The following SLC16A7 variants were observed in gnomAD, a reference collection of about 807,000 sequenced individuals.
SLC16A7 encodes the protein solute carrier family 16 member 7, also known as monocarboxylate transporter 2.
In SLC16A7, 33 loss-of-function variants were observed where a neutral mutation model predicts 34.9. The ratio of observed to expected loss-of-function variants is 0.94; its 90% CI spans 0.72 to 1.26. The LOEUF is 1.26. Among genes scored for constraint, SLC16A7 ranks in the 50% most tolerant of loss-of-function variants. The pLI is 0.00. For missense variants in SLC16A7, 573 were observed against 578.1 expected, an observed-to-expected ratio of 0.99 and a Z score of 0.09; for synonymous variants, 201 against 206.6, an observed-to-expected ratio of 0.97 and a Z score of 0.23.
chr12:59,750,300 T>G (rs1310251525), intron 3 of SLC16A7, among the ~76,000 whole-genome samples: 2 of 152,094 alleles, frequency 1.3e-5, no homozygotes, highest in Non-Finnish European at 2.9e-5. Context: ...GGGAGAAAGA[T>G]TTTGCAATCT....
chr12:59,681,383 G>A (rs1477222017), intron 2 of SLC16A7, among the ~76,000 whole-genome samples: 1 of 152,168 alleles, frequency 6.6e-6, no homozygotes, highest in Non-Finnish European at 1.5e-5. Flanking sequence ...AAACTCCTAG[G>A]ATGTTTGTCA....
intron 3 of SLC16A7, chr12:59,769,179 C>A (rs1881979822): frequency 1.3e-5 from 2 of 152,078 alleles, no homozygotes; most frequent in Admixed American, 1.3e-4. Flanking sequence ...GTTATGCACA[C>A]TTTTTAGATA....
At chr12:59,607,349 A>C (rs1354271746) in intron 1 of SLC16A7, among the ~76,000 whole-genome samples, 2 of 152,156 alleles carry the variant, frequency 1.3e-5, no homozygotes, top group African/African-American at 4.8e-5. Context: ...CCAATAGATA[A>C]ATTAAAAGTC....
Position 59,712,086 on chromosome 12 carries a change from G to A in SLC16A7, c.217+7068G>A, listed in dbSNP as rs954051372. Among the ~76,000 whole-genome samples the A allele has an allele frequency of 2.0e-5, 3 of 152,334 alleles. No homozygotes were observed. In the East Asian group the frequency reaches 5.8e-4, roughly 29 times the overall value. On this transcript the variant is annotated intron_variant, in intron 3 of 5. Transcript: ENST00000547379. ...TATGAGTGCATATGTGAGTGTGTGT[G>A]TATGTATAATGTACACTCTCCTGCT...
chr12:59,612,076 C>T (rs564796547), intron 1 of SLC16A7, among the ~76,000 whole-genome samples: 16 of 152,338 alleles, frequency 1.1e-4, no homozygotes, highest in South Asian at 6.2e-4. Context: ...GGCGGTGCCC[C>T]GATGGAGACT....
In SLC16A7 at chr12:59,753,611, C is replaced by T. The variant is rs550635479; in HGVS notation, c.218-17608C>T. On this transcript the variant is annotated intron_variant, in intron 3 of 5. Coordinates refer to ENST00000547379, the MANE Select transcript of SLC16A7 (RefSeq NM_001270623.2). The stretch of plus-strand genomic sequence containing the variant: ...GAGCACCCAGATTCATAAAGCAAGT[C>T]CTGAGTGACATACAAAGAGACTTAG... Among the ~76,000 whole-genome samples the T allele has an allele frequency of 2.6e-5, 4 of 151,848 alleles. No homozygotes were observed. In the East Asian group the frequency reaches 5.8e-4, roughly 22 times the overall value.
intron 2 of SLC16A7, among the ~76,000 whole-genome samples, chr12:59,682,267 G>T (rs1870800979): frequency 6.6e-6 from 1 of 152,106 alleles, no homozygotes; most frequent in South Asian, 2.1e-4. Context: ...TGTTAGGGTT[G>T]TCATTTTATT....
intron 2 of SLC16A7, among the ~76,000 whole-genome samples, chr12:59,690,218 T>C (rs1871486834): frequency 6.6e-6 from 1 of 151,896 alleles, no homozygotes; most frequent in South Asian, 2.1e-4. Context: ...CTCAGATAAA[T>C]TTTTCCCTAA....
chr12:59,639,039 A>T (rs531939874), intron 1 of SLC16A7, among the ~76,000 whole-genome samples: 3 of 152,202 alleles, frequency 2.0e-5, no homozygotes, highest in Admixed American at 2.0e-4. Flanking sequence ...ATTTTTTCAA[A>T]GTTTTTTCAG....
intron 4 of SLC16A7, among the ~76,000 whole-genome samples, chr12:59,772,481 G>C (rs1882329415): frequency 6.6e-6 from 1 of 152,072 alleles, no homozygotes; most frequent in Non-Finnish European, 1.5e-5. Flanking sequence ...GGCATTATTG[G>C]TGTTTCAACT....
intron 3 of SLC16A7, among the ~76,000 whole-genome samples, chr12:59,752,513 A>C (rs1308764090): frequency 6.6e-6 from 1 of 152,204 alleles, no homozygotes. Flanking sequence ...CCGTGATGGA[A>C]GATGAAATGA....
chr12:59,766,046 C>T (rs1249399641), intron 3 of SLC16A7, among the ~76,000 whole-genome samples: 4 of 152,148 alleles, frequency 2.6e-5, no homozygotes, highest in South Asian at 4.1e-4. Flanking sequence ...AGAGGTCCTT[C>T]TCATCCCTTG....
chr12:59,690,405 A>C (rs1304173791), intron 2 of SLC16A7, among the ~76,000 whole-genome samples: 1 of 152,030 alleles, frequency 6.6e-6, no homozygotes. Context: ...AGAGAAAAAC[A>C]AAAAGAAGTT....
chr12:59,693,795 A>T (rs1052052487), intron 2 of SLC16A7, among the ~76,000 whole-genome samples: 4 of 151,922 alleles, frequency 2.6e-5, no homozygotes, highest in Non-Finnish European at 5.9e-5. Flanking sequence ...TCGAAGAAGT[A>T]TAATTTTATG....
intron 3 of SLC16A7, among the ~76,000 whole-genome samples, chr12:59,719,446 A>C (rs1795891): frequency 0.045 from 6,829 of 152,174 alleles, 487 homozygotes; most frequent in African/African-American, 0.16. Flanking sequence ...AAAAAGATCT[A>C]TTTTATAACA....
chr12:59,737,566 G>C (rs1877743989), intron 3 of SLC16A7, among the ~76,000 whole-genome samples: 1 of 152,128 alleles, frequency 6.6e-6, no homozygotes, highest in Admixed American at 6.5e-5. Flanking sequence ...GCAATAAAAA[G>C]GGAGCTGACT....
chr12:59,608,685 TA>T (rs1879054262), intron 1 of SLC16A7, among the ~76,000 whole-genome samples: 1 of 152,254 alleles, frequency 6.6e-6, no homozygotes. Context: ...ATTAAATTTC[TA>T]AGTAATATAT....
chr12:59,702,623 A>G (rs1873023002), intron 2 of SLC16A7, among the ~76,000 whole-genome samples: 1 of 152,088 alleles, frequency 6.6e-6, no homozygotes, highest in African/African-American at 2.4e-5. Flanking sequence ...CCTTGTCACT[A>G]TAGTTTCCAT....
At chr12:59,763,764 A>G (rs1881258126) in intron 3 of SLC16A7, among the ~76,000 whole-genome samples, 1 of 152,044 alleles carries the variant, frequency 6.6e-6, no homozygotes, top group South Asian at 2.1e-4. Context: ...GTCTTGTGTC[A>G]CATTTTGGTA....
Sources: allele counts gnomAD v4.1 joint callset (sites outside exome capture counted in the v4.1 genomes callset), GRCh38; gene constraint gnomAD v4.1.1; transcripts MANE v1.5; gene names NCBI Gene and HGNC (gene_info 2026-07-23, HGNC 2026-07-21).